Variants in MGAM observed in about 807,000 individuals in gnomAD.
MGAM encodes the protein maltase-glucoamylase, also known as alpha-1,4-glucosidase.
A neutral mutation model predicts 358.8 loss-of-function variants in MGAM; 253 were observed. The observed-to-expected ratio is 0.71, with a 90% CI of 0.64 to 0.78. The LOEUF is 0.78. Among genes scored for constraint, MGAM ranks in the 30% least tolerant of loss-of-function variants. MGAM has a pLI of 0.00. For missense variants in MGAM, 3,080 were observed against 3,432.6 expected (o/e 0.90, Z 2.57); for synonymous variants, 1,105 against 1,227.1 (o/e 0.90, Z 2.08).
chr7:142,045,216 TG>T (rs1331476720), intron 21 of MGAM, among the ~76,000 whole-genome samples: 2,108 of 55,762 alleles, frequency 0.038, 67 homozygotes, highest in Middle Eastern at 0.12. Flanking sequence ...ATAACATATA[TG>T]TATATAATAT....
chr7:142,002,051 A>G (rs1262388406), intron 1 of MGAM, among the ~76,000 whole-genome samples: 1 of 152,204 alleles, frequency 6.6e-6, no homozygotes, highest in Non-Finnish European at 1.5e-5. Context: ...AATCAAGCTC[A>G]GGGATTCTCA....
rs750972908 is a variant in MGAM, at chr7:142,068,528, G to A, written c.5005-119G>A. ...GGTTGCCCCAGTTGTTAACCTCTTG[G>A]GACATGAGGCAGCTGGGTCCAAAGC... On this transcript the variant is annotated intron_variant, in intron 42 of 70. Coordinates refer to ENST00000475668, the MANE Select transcript of MGAM (RefSeq NM_001365693.1). 3.6e-4 allele frequency: 288 copies of A among 807,166 alleles called. 34 individuals carry two copies. Among genetic ancestry groups the A allele is most frequent in the Non-Finnish European group, 5.0e-4 (245 of 491,626 alleles). The allele number at this position is 807,166 out of a possible 1,614,324, so 50.0% of individuals were successfully genotyped here. A position where few individuals can be genotyped will look rare whatever the true frequency, so the allele number is the denominator to read the frequency against.
At position 142,045,138 on chromosome 7, in the gene MGAM, TTA is replaced by T. The variant is rs1310002579; in HGVS notation, c.2499-2641_2499-2640del. On this transcript the variant is annotated intron_variant, in intron 21 of 70. Transcript: ENST00000475668. ...CAATATATGATATATAATATGTATA[TTA>T]TATATCATATATGTGATATATAATA... is the stretch of plus-strand genomic sequence containing the variant. Among the ~76,000 whole-genome samples the T allele has an allele frequency of 1.9e-3, 146 of 77,150 alleles. 8 individuals carry two copies. The highest frequency in any genetic ancestry group is 5.2e-3 in the African/African-American group (132 of 25,516). 50.6% of individuals were successfully genotyped at this position (77,150 alleles called of 152,430 possible). A position where few individuals can be genotyped will look rare whatever the true frequency, so the allele number is the denominator to read the frequency against.
chr7:142,018,006 T>C lies in MGAM; in HGVS notation c.328-1193T>C, dbSNP rs145294671. ...CTTTACCACCATGGGCCAAAGGTAATTCATCTGTAAAATGATCTGGTAGGA... is the reference window on the plus strand; with the variant it reads ...CTTTACCACCATGGGCCAAAGGTAACTCATCTGTAAAATGATCTGGTAGGA... On this transcript the variant is annotated intron_variant, in intron 3 of 70. Coordinates refer to ENST00000475668, the MANE Select transcript of MGAM (RefSeq NM_001365693.1). 2.1e-4 allele frequency among the ~76,000 whole-genome samples: 32 copies of C among 152,334 alleles called. No homozygotes were observed. In the East Asian group the frequency reaches 5.4e-3, roughly 26 times the overall value.
intron 38 of MGAM, 57 bp from the exon 39 acceptor site, chr7:142,065,531 A>G: frequency 6.2e-7 from 1 of 1,613,932 alleles, no homozygotes; most frequent in Non-Finnish European, 8.5e-7. Context: ...CTTAGGGAAG[A>G]GGTGAGGAGG....
chr7:142,060,642 G>T (rs555079054), intron 34 of MGAM, among the ~76,000 whole-genome samples: 61 of 152,378 alleles, frequency 4.0e-4, no homozygotes, highest in Admixed American at 9.1e-4. Context: ...TGACAGAGTG[G>T]TGATTTCAAT....
At chr7:142,014,434 A>G (rs547887591) in intron 3 of MGAM, among the ~76,000 whole-genome samples, 72 of 152,238 alleles carry the variant, frequency 4.7e-4, no homozygotes, top group African/African-American at 1.7e-3. Flanking sequence ...ATTTTCTATT[A>G]TTTATTTTCA....
At position 142,058,293 on chromosome 7, in the gene MGAM, T is replaced by C; in HGVS notation, c.3784T>C (p.Leu1262=). The change falls in exon 31 of 71, where the codon TTG becomes CTG. Residue 1262 remains leucine (L), a synonymous_variant. Transcript: ENST00000475668. ...CCAGAATGACTCTGAGATCGCCAGC[T>C]TGTATGATGAGATGGTGGCTGCCCA... ...GYQNDSEIAS[L]YDEMVAAQIP... 1.2e-6 allele frequency: 2 copies of C among 1,613,956 alleles called. No individual in the cohort carries two copies. The highest frequency in any genetic ancestry group is 1.7e-6 in the Non-Finnish European group (2 of 1,179,836).
rs937233824 is a variant in MGAM, at chr7:142,040,983, G to A, written c.2498+137G>A. 6 of 1,060,530 alleles carry A rather than the reference G, an allele frequency of 5.7e-6. No homozygotes were observed. The African/African-American group carries it at 9.9e-5, about 18-fold the overall frequency. 65.7% of individuals were successfully genotyped at this position (1,060,530 alleles called of 1,614,324 possible). ...GACTGTTGCAGTTTTAGCACCAAAA[G>A]TCTCTTCCCTTGGGAGGCTTTTCAA... is the stretch of plus-strand genomic sequence containing the variant. On this transcript the variant is annotated intron_variant, in intron 21 of 70. Coordinates refer to ENST00000475668, the MANE Select transcript of MGAM (RefSeq NM_001365693.1).
In MGAM at chr7:142,067,114, T is replaced by C. The variant is rs76249223; in HGVS notation, c.4920-227T>C. Among the ~76,000 whole-genome samples, 769 of 145,868 alleles carry C rather than the reference T, an allele frequency of 5.3e-3. 105 individuals are homozygous for C. Among genetic ancestry groups the C allele is most frequent in the Non-Finnish European group, 8.1e-3 (523 of 64,392 alleles). On this transcript the variant is annotated intron_variant, in intron 41 of 70. Coordinates refer to ENST00000475668, the MANE Select transcript of MGAM (RefSeq NM_001365693.1). ...CCATGGTTAAGAAATGAGGTAATAT[T>C]TTACAGGAGAGAACACATCTACATC...
intron 68 of MGAM, among the ~76,000 whole-genome samples, chr7:142,101,857 G>A (rs529094960): frequency 5.1e-4 from 76 of 150,098 alleles, no homozygotes; most frequent in African/African-American, 1.7e-3. Flanking sequence ...GCAGTGAGCC[G>A]AGATCATGCC....
At chr7:142,041,992 A>T (rs568593887) in intron 21 of MGAM, among the ~76,000 whole-genome samples, 1 of 14,186 alleles carries the variant, frequency 7.0e-5, no homozygotes, top group Non-Finnish European at 1.3e-4. Context: ...AATATAATAT[A>T]TATATATTAT....
rs983447151 is a variant in MGAM, at chr7:142,016,062, T to C, written c.328-3137T>C. ...GTGCTTTTTCTTTTAGGCTTTTGCA[T>C]TTATGTTCATGGATAAGACTCGGCT... On this transcript the variant is annotated intron_variant, in intron 3 of 70. Coordinates refer to ENST00000475668, the MANE Select transcript of MGAM (RefSeq NM_001365693.1). Among the ~76,000 whole-genome samples the C allele has an allele frequency of 2.6e-5, 4 of 152,222 alleles. 1 individual carries two copies. Among genetic ancestry groups the C allele is most frequent in the South Asian group, 2.1e-4 (1 of 4,834 alleles).
chr7:142,038,335 G>T (rs1808180053), intron 18 of MGAM, among the ~76,000 whole-genome samples, 196 bp from the exon 19 acceptor site: 1 of 152,144 alleles, frequency 6.6e-6, no homozygotes, highest in African/African-American at 2.4e-5. Context: ...CCTGAGGGAA[G>T]AATAGGAGAC....
At chr7:142,055,977 T>G in intron 28 of MGAM, 23 bp from the exon 29 acceptor site, 1 of 1,594,696 alleles carries the variant, frequency 6.3e-7, no homozygotes, top group South Asian at 1.1e-5. Flanking sequence ...AAACTCCTAC[T>G]GCTTCTTCCC....
chr7:142,050,839 C>T lies in MGAM; in HGVS notation c.2780C>T (p.Thr927Ile), dbSNP rs753133766. The T allele has an allele frequency of 1.2e-6, 2 of 1,613,596 alleles. No homozygotes were observed. The highest frequency in any genetic ancestry group is 1.3e-5 in the African/African-American group (1 of 74,922). Residue 927 changes from threonine (T) to isoleucine (I), a missense_variant, in exon 24 of 71, where the codon ACA (threonine) becomes ATA (isoleucine). Thr to Ile is a moderately conservative substitution (Grantham distance 89, BLOSUM62 -1). This residue lies in a region of MGAM where 1,816 missense variants were observed against 1,840.5 expected (regional missense o/e 0.99). Coordinates refer to ENST00000475668, the MANE Select transcript of MGAM (RefSeq NM_001365693.1). Reference protein sequence around the residue: ...HNGVPSQTSPTVTYDSNLKVA... With the variant: ...HNGVPSQTSPIVTYDSNLKVA... ...GGTGTCCCAAGTCAGACTTCTCCTA[C>T]AGTCACTTATGATTCTAACCTGAAG...
intron 66 of MGAM, among the ~76,000 whole-genome samples, chr7:142,099,012 T>G (rs1293738340): frequency 2.0e-5 from 3 of 152,190 alleles, no homozygotes; most frequent in Non-Finnish European, 4.4e-5. Flanking sequence ...CAAATAAAGT[T>G]TTATTGGAAC....
chr7:142,008,568 A>C lies in MGAM; in HGVS notation c.190A>C (p.Thr64Pro), dbSNP rs1351649385. 6 of 1,612,864 alleles carry C rather than the reference A, an allele frequency of 3.7e-6. No homozygotes were observed. The African/African-American group carries it at 8.0e-5, about 22-fold the overall frequency. ...PGTTGTPDPGTTGTTHARTTG... is the reference protein window; with the variant it reads ...PGTTGTPDPGPTGTTHARTTG... ...GACAACTGGTACCCCAGATCCTGGA[A>C]CAACTGGTACCACACATGCTAGGAC... is the stretch of plus-strand genomic sequence containing the variant. Residue 64 changes from threonine (T) to proline (P), a missense_variant, in exon 3 of 71, where the codon ACA becomes CCA. By Grantham distance (38) the Thr-to-Pro change is conservative (BLOSUM62 -1). Around this residue, in one of 5 missense-constraint regions of MGAM, gnomAD observed 1,816 missense variants for 1,840.5 expected, o/e 0.99. Transcript: ENST00000475668.
chr7:142,060,916 C>G (rs955148336), intron 34 of MGAM, among the ~76,000 whole-genome samples: 1 of 152,106 alleles, frequency 6.6e-6, no homozygotes, highest in Admixed American at 6.6e-5. Flanking sequence ...TTGCTTTTAC[C>G]TGTCAGTTTC....
Sources: allele counts gnomAD v4.1 joint callset (sites outside exome capture counted in the v4.1 genomes callset), GRCh38; gene constraint gnomAD v4.1.1; regional missense constraint gnomAD v4.1.1; transcripts MANE v1.5; gene names NCBI Gene and HGNC (gene_info 2026-07-23, HGNC 2026-07-21).